The following CUX1 variants were observed in gnomAD, a reference collection of about 807,000 sequenced individuals.
CUX1 encodes protein CASP.
In CUX1, 31 loss-of-function variants were observed where a neutral mutation model predicts 158.8. The observed-to-expected ratio is 0.20, with a 90% confidence interval of 0.15 to 0.26. The LOEUF (loss-of-function observed/expected upper bound fraction) is 0.26. Ranked by LOEUF, CUX1 falls within the 10% of genes least tolerant of loss-of-function variation. The pLI is 1.00. For missense variants in CUX1, 1,589 were observed against 2,014.6 expected (o/e 0.79, Z 4.04); for synonymous variants, 879 against 862.1 (o/e 1.02, Z -0.34).
chr7:102,063,229 C>T (rs535992399), intron 3 of CUX1, among the ~76,000 whole-genome samples: 1 of 152,096 alleles, frequency 6.6e-6, no homozygotes, highest in East Asian at 1.9e-4. Context: ...CGGGTCACTG[C>T]AGGAAGACAG....
intron 3 of CUX1, among the ~76,000 whole-genome samples, chr7:102,057,658 A>T (rs1563185963): frequency 6.6e-6 from 1 of 152,198 alleles, no homozygotes; most frequent in Non-Finnish European, 1.5e-5. Flanking sequence ...GAGCCTGAAG[A>T]TGTGACTGAA....
chr7:101,994,123 C>T (rs147970988), intron 2 of CUX1, among the ~76,000 whole-genome samples: 1,848 of 152,302 alleles, frequency 0.012, 14 homozygotes, highest in Non-Finnish European at 0.018. Context: ...CTTCCATCTC[C>T]CTCCCCTCAT....
intron 2 of CUX1, among the ~76,000 whole-genome samples, chr7:101,987,258 G>A (rs527559692): frequency 5.9e-5 from 9 of 152,324 alleles, no homozygotes; most frequent in South Asian, 4.1e-4. Context: ...AAGTCCGTGC[G>A]TGAGCCACGA....
intron 4 of CUX1, among the ~76,000 whole-genome samples, chr7:102,077,817 A>G (rs1826938502): frequency 6.6e-6 from 1 of 151,866 alleles, no homozygotes; most frequent in Admixed American, 6.6e-5. Flanking sequence ...GACAGTATGC[A>G]TAATTCGTCA....
intron 2 of CUX1, among the ~76,000 whole-genome samples, chr7:101,978,429 C>A (rs1034125790): frequency 6.6e-6 from 1 of 152,244 alleles, no homozygotes; most frequent in African/African-American, 2.4e-5. Flanking sequence ...CCAGCAAGCC[C>A]GTCCTTCCTC....
At chr7:101,828,900 G>A (rs1793681355) in intron 1 of CUX1, among the ~76,000 whole-genome samples, 1 of 152,008 alleles carries the variant, frequency 6.6e-6, no homozygotes, top group African/African-American at 2.4e-5. Flanking sequence ...ACAGGGTGGA[G>A]GGAGAGGAGC....
chr7:101,816,920 A>G, upstream of CUX1: 1 of 979,020 alleles, frequency 1.0e-6, no homozygotes, highest in Non-Finnish European at 1.2e-6. Context: ...CCCGGCGCGG[A>G]CCCCCGGGTT....
intron 2 of CUX1, among the ~76,000 whole-genome samples, chr7:101,975,970 G>A (rs372216148): frequency 9.9e-5 from 15 of 152,128 alleles, no homozygotes; most frequent in South Asian, 2.1e-4. Context: ...GTGAAACCCC[G>A]TCTCTACTAA....
intron 4 of CUX1, among the ~76,000 whole-genome samples, chr7:102,089,738 G>A (rs1428712505): frequency 3.9e-5 from 6 of 152,224 alleles, no homozygotes; most frequent in Admixed American, 1.3e-4. Flanking sequence ...CCTCTCTGCA[G>A]ATTTCTGTAG....
At chr7:101,998,675 GA>G (rs1816284632) in intron 2 of CUX1, among the ~76,000 whole-genome samples, 1 of 152,126 alleles carries the variant, frequency 6.6e-6, no homozygotes, top group Non-Finnish European at 1.5e-5. Flanking sequence ...CATCACTGGT[GA>G]AAAAAATTGG....
At chr7:102,060,037 A>C (rs539302237) in intron 3 of CUX1, among the ~76,000 whole-genome samples, 1 of 152,172 alleles carries the variant, frequency 6.6e-6, no homozygotes, top group East Asian at 1.9e-4. Flanking sequence ...GCACTTTGGG[A>C]GGCCGAGGTG....
intron 22 of CUX1, 112 bp from the exon 23 acceptor site, chr7:102,239,207 GC>G (rs1264947770): frequency 6.4e-6 from 8 of 1,247,600 alleles, no homozygotes; most frequent in Non-Finnish European, 8.7e-6. Context: ...GTTTTGAGAT[GC>G]TCTATGCAAA....
intron 6 of CUX1, among the ~76,000 whole-genome samples, chr7:102,111,494 C>T (rs1830875455): frequency 6.6e-6 from 1 of 152,162 alleles, no homozygotes; most frequent in African/African-American, 2.4e-5. Flanking sequence ...GCACACTTGC[C>T]GTGATGTGAC....
intron 4 of CUX1, among the ~76,000 whole-genome samples, chr7:102,077,725 G>C (rs1309678846): frequency 6.6e-6 from 1 of 152,054 alleles, no homozygotes; most frequent in Non-Finnish European, 1.5e-5. Context: ...GACCCTCTCA[G>C]GTAGCTGGGA....
chr7:101,840,799 C>T (rs988661953), intron 1 of CUX1, among the ~76,000 whole-genome samples: 3 of 152,122 alleles, frequency 2.0e-5, no homozygotes, highest in Non-Finnish European at 4.4e-5. Flanking sequence ...CCATCAGGGC[C>T]TGAGACTTTA....
At chr7:101,926,934 C>T (rs1805660030) in intron 2 of CUX1, among the ~76,000 whole-genome samples, 1 of 152,078 alleles carries the variant, frequency 6.6e-6, no homozygotes, top group Non-Finnish European at 1.5e-5. Context: ...TCAGATACAG[C>T]AGGGATGGAG....
At chr7:101,943,964 T>TAA (rs5886208) in intron 2 of CUX1, among the ~76,000 whole-genome samples, 1 of 138,252 alleles carries the variant, frequency 7.2e-6, no homozygotes, top group African/African-American at 2.7e-5. Flanking sequence ...ATTTAAAAAT[T>TAA]AAAAAAAAAA....
chr7:102,058,214 ACT>A (rs1824380387), intron 3 of CUX1, among the ~76,000 whole-genome samples: 1 of 152,194 alleles, frequency 6.6e-6, no homozygotes, highest in Admixed American at 6.5e-5. Context: ...TTTTATATTC[ACT>A]GGAAAATCAA....
At chr7:102,091,630 C>T (rs781895343) in intron 4 of CUX1, among the ~76,000 whole-genome samples, 5 of 152,206 alleles carry the variant, frequency 3.3e-5, no homozygotes, top group Admixed American at 6.5e-5. Flanking sequence ...CCACCCCACC[C>T]GGCCAGGATC....
Sources: allele counts gnomAD v4.1 joint callset (sites outside exome capture counted in the v4.1 genomes callset), GRCh38; gene constraint gnomAD v4.1.1; transcripts MANE v1.5; gene names NCBI Gene and HGNC (gene_info 2026-07-23, HGNC 2026-07-21).